The following ZNF385D variants were observed in gnomAD, a reference collection of about 807,000 sequenced individuals.
The protein encoded by ZNF385D is zinc finger protein 659.
Under a neutral mutation model 35.8 loss-of-function variants are expected in ZNF385D, and 15 were observed. The ratio of observed to expected loss-of-function variants is 0.42; its 90% CI spans 0.28 to 0.64. The LOEUF is 0.64. ZNF385D is among the 30% of genes least tolerant of loss of function. The pLI, the probability that ZNF385D is intolerant of heterozygous loss-of-function variation, is 0.23. For synonymous variants in ZNF385D, 212 were observed against 186.8 expected (o/e 1.13, Z -1.10); for missense variants, 474 against 494.6 (o/e 0.96, Z 0.39).
At chr3:22,368,516 G>T (rs1361793056) in intron 2 of ZNF385D, among the ~76,000 whole-genome samples, 1 of 152,098 alleles carries the variant, frequency 6.6e-6, no homozygotes, top group African/African-American at 2.4e-5. Context: ...TATGAACTAG[G>T]TAGCTAAACA....
intron 3 of ZNF385D, among the ~76,000 whole-genome samples, chr3:21,906,285 G>C (rs1699680119): frequency 6.6e-6 from 1 of 152,110 alleles, no homozygotes. Flanking sequence ...TTTATGAGTA[G>C]CCATGTCCAG....
intron 3 of ZNF385D, among the ~76,000 whole-genome samples, chr3:22,026,269 T>C (rs1392659472): frequency 3.3e-5 from 5 of 152,080 alleles, no homozygotes; most frequent in Admixed American, 2.0e-4. Flanking sequence ...AGTTTACAGA[T>C]CCTAAACCCC....
intron 2 of ZNF385D, among the ~76,000 whole-genome samples, chr3:22,344,158 C>T (rs990037973): frequency 7.9e-6 from 1 of 127,052 alleles, no homozygotes; most frequent in Non-Finnish European, 1.6e-5. Context: ...TTTATAGGCA[C>T]ATGGGTAGGG....
At chr3:22,109,836 C>T (rs144923266) in intron 3 of ZNF385D, among the ~76,000 whole-genome samples, 1 of 152,140 alleles carries the variant, frequency 6.6e-6, no homozygotes, top group African/African-American at 2.4e-5. Context: ...TCAGAGTGAA[C>T]AGGCAGCGTA....
intron 3 of ZNF385D, among the ~76,000 whole-genome samples, chr3:21,524,757 G>A (rs1026773675): frequency 3.3e-5 from 5 of 152,136 alleles, no homozygotes; most frequent in Non-Finnish European, 5.9e-5. Flanking sequence ...GTAGTGGATG[G>A]AATTAACATT....
chr3:21,693,013 T>A (rs556345418), intron 1 of ZNF385D, among the ~76,000 whole-genome samples: 114 of 152,298 alleles, frequency 7.5e-4, no homozygotes, highest in Non-Finnish European at 1.3e-3. Flanking sequence ...CCTAATAACC[T>A]CTTTGCCATC....
chr3:21,739,974 T>C (rs2069431764), intron 1 of ZNF385D, among the ~76,000 whole-genome samples: 1 of 152,194 alleles, frequency 6.6e-6, no homozygotes, highest in Non-Finnish European at 1.5e-5. Flanking sequence ...GAGATCAAGT[T>C]GCTTGCCCAA....
chr3:21,931,032 T>A (rs976233575), intron 3 of ZNF385D, among the ~76,000 whole-genome samples: 6 of 152,200 alleles, frequency 3.9e-5, no homozygotes, highest in African/African-American at 1.4e-4. Flanking sequence ...CCAAGTCATA[T>A]AAGGGAAAAA....
chr3:21,899,527 G>C (rs1699298334), intron 3 of ZNF385D, among the ~76,000 whole-genome samples: 1 of 152,042 alleles, frequency 6.6e-6, no homozygotes, highest in Admixed American at 6.6e-5. Context: ...CAAGTTCCCA[G>C]GTGACAATTA....
At chr3:22,185,874 G>T (rs1258124516) in intron 2 of ZNF385D, among the ~76,000 whole-genome samples, 1 of 152,156 alleles carries the variant, frequency 6.6e-6, no homozygotes, top group Non-Finnish European at 1.5e-5. Flanking sequence ...TGTTATTGCT[G>T]AGTGTATTGT....
At chr3:21,978,385 T>G (rs950647992) in intron 3 of ZNF385D, 1 of 152,252 alleles carries the variant, frequency 6.6e-6, no homozygotes, top group Non-Finnish European at 1.5e-5. Flanking sequence ...ATATTAGATA[T>G]GCTACGTGTT....
intron 3 of ZNF385D, among the ~76,000 whole-genome samples, chr3:21,527,148 T>C (rs2125520440): frequency 6.6e-6 from 1 of 152,326 alleles, no homozygotes; most frequent in African/African-American, 2.4e-5. Flanking sequence ...TTCAGGGATA[T>C]ATTTTTCTAT....
intron 3 of ZNF385D, among the ~76,000 whole-genome samples, chr3:21,829,916 G>C (rs1452393539): frequency 2.0e-5 from 3 of 152,024 alleles, no homozygotes; most frequent in African/African-American, 7.2e-5. Flanking sequence ...TTGAAGTCAG[G>C]AGTTCAAGAG....
intron 2 of ZNF385D, among the ~76,000 whole-genome samples, chr3:22,370,624 GTTAACAACCGAC>G (rs1696860131): frequency 6.6e-6 from 1 of 152,108 alleles, no homozygotes. Context: ...TTGTGTAGGG[GTTAACAACCGAC>G]TTTGGAGTTC....
rs190073085 is a variant in ZNF385D, at chr3:21,748,529, T to A, written c.22+2366A>T. ...TACCATAGCATCACCATGCTCTTCA[T>A]CACGCTCTGCTGGGGACACAAATAA... On this transcript the variant is annotated intron_variant, in intron 1 of 7. Transcript: ENST00000281523. Among the ~76,000 whole-genome samples the A allele has an allele frequency of 9.5e-3, 1,442 of 152,288 alleles. 16 individuals are homozygous for A. Among genetic ancestry groups the A allele is most frequent in the Non-Finnish European group, 0.012 (798 of 68,022 alleles).
intron 3 of ZNF385D, among the ~76,000 whole-genome samples, chr3:21,984,399 C>T (rs1293916262): frequency 8.1e-6 from 1 of 123,366 alleles, no homozygotes; most frequent in Non-Finnish European, 1.6e-5. Context: ...GCCAGTTTTC[C>T]CAGCACCATT....
chr3:21,523,351 A>G (rs1708034818), intron 3 of ZNF385D, among the ~76,000 whole-genome samples: 1 of 152,192 alleles, frequency 6.6e-6, no homozygotes, highest in Non-Finnish European at 1.5e-5. Flanking sequence ...CCCAAAAGAG[A>G]GTGTACAATG....
chr3:21,751,343 G>C (rs2070073833), upstream of ZNF385D: 1 of 1,052,586 alleles, frequency 9.5e-7, no homozygotes, highest in South Asian at 3.2e-5. Flanking sequence ...CAGAGACTTG[G>C]GAAGGGGCGG....
intron 3 of ZNF385D, among the ~76,000 whole-genome samples, chr3:21,783,678 A>G (rs7643471): frequency 0.94 from 142,776 of 152,138 alleles, 67,012 homozygotes; most frequent in East Asian, 0.98. Flanking sequence ...TCCTTACCTG[A>G]CTTCTCTGCA....
Sources: allele counts gnomAD v4.1 joint callset (sites outside exome capture counted in the v4.1 genomes callset), GRCh38; gene constraint gnomAD v4.1.1; transcripts MANE v1.5; gene names NCBI Gene and HGNC (gene_info 2026-07-23, HGNC 2026-07-21).